The following AUTS2 variants were observed in gnomAD, a reference collection of about 807,000 sequenced individuals.
The protein encoded by AUTS2 is autism susceptibility gene 2 protein.
In AUTS2, 17 loss-of-function variants were observed where a neutral mutation model predicts 112.4. The ratio of observed to expected loss-of-function variants is 0.15; its 90% confidence interval spans 0.10 to 0.23. AUTS2 has a LOEUF of 0.23. AUTS2 is among the 10% of genes least tolerant of loss of function. The pLI, the probability that AUTS2 is intolerant of heterozygous loss-of-function variation, is 1.00. For missense variants in AUTS2, 1,510 were observed against 1,701.6 expected (o/e 0.89, Z 1.98); for synonymous variants, 751 against 702.7 (o/e 1.07, Z -1.09).
At chr7:69,796,504 C>T (rs1052756853) in intron 1 of AUTS2, among the ~76,000 whole-genome samples, 2 of 144,014 alleles carry the variant, frequency 1.4e-5, no homozygotes, top group African/African-American at 5.2e-5. Context: ...GCCTAGGCGA[C>T]AGAGTGAGAC....
chr7:70,147,749 T>C (rs1450928475), intron 4 of AUTS2, among the ~76,000 whole-genome samples: 1 of 152,140 alleles, frequency 6.6e-6, no homozygotes, highest in Non-Finnish European at 1.5e-5. Flanking sequence ...TATTGCACTT[T>C]TAAAAGTATT....
In AUTS2 at chr7:70,419,770, A is replaced by G. The variant is rs373246731; in HGVS notation, c.661-15982A>G. Among the ~76,000 whole-genome samples, 9 of 152,344 alleles carry G rather than the reference A, an allele frequency of 5.9e-5. No homozygotes were observed. In the East Asian group the frequency reaches 1.2e-3, roughly 20 times the overall value. On this transcript the variant is annotated intron_variant, in intron 4 of 18. Coordinates refer to ENST00000342771, the MANE Select transcript of AUTS2 (RefSeq NM_015570.4). The stretch of plus-strand genomic sequence containing the variant: ...TGTCTGCCTCACGACAGCCTTGCCA[A>G]CACTGCATATCAGCATTTACATGTT...
chr7:69,635,359 G>A (rs1794467561), intron 1 of AUTS2, among the ~76,000 whole-genome samples: 1 of 152,206 alleles, frequency 6.6e-6, no homozygotes, highest in African/African-American at 2.4e-5. Flanking sequence ...GCACCTGCCA[G>A]TTTTAAGGGA....
chr7:70,756,683 G>A (rs1480130379), intron 6 of AUTS2, among the ~76,000 whole-genome samples: 2 of 152,070 alleles, frequency 1.3e-5, no homozygotes, highest in African/African-American at 2.4e-5. Context: ...TACAAATGCA[G>A]ACTCACACAA....
chr7:69,667,763 C>T (rs990180818), intron 1 of AUTS2, among the ~76,000 whole-genome samples: 1 of 152,096 alleles, frequency 6.6e-6, no homozygotes, highest in Non-Finnish European at 1.5e-5. Context: ...CTCTCTGCTC[C>T]CCTGGGGCCC....
At chr7:70,451,412 C>T (rs1486175585) in intron 5 of AUTS2, among the ~76,000 whole-genome samples, 2 of 152,064 alleles carry the variant, frequency 1.3e-5, no homozygotes, top group South Asian at 2.1e-4. Flanking sequence ...GTATATTAAT[C>T]GTAGCACTTG....
intron 1 of AUTS2, among the ~76,000 whole-genome samples, chr7:69,750,188 G>A (rs1338291952): frequency 6.6e-6 from 1 of 152,044 alleles, no homozygotes; most frequent in Non-Finnish European, 1.5e-5. Flanking sequence ...GTTTCTGTCA[G>A]TGTGGTAGGT....
intron 4 of AUTS2, among the ~76,000 whole-genome samples, chr7:70,182,117 A>G (rs1809347353): frequency 6.6e-6 from 1 of 152,160 alleles, no homozygotes; most frequent in African/African-American, 2.4e-5. Flanking sequence ...AACTTTTTAA[A>G]CATAGTTTTA....
At chr7:69,607,955 A>G (rs1792820731) in intron 1 of AUTS2, among the ~76,000 whole-genome samples, 1 of 152,034 alleles carries the variant, frequency 6.6e-6, no homozygotes, top group Non-Finnish European at 1.5e-5. Context: ...TTTTTTTGAG[A>G]CAGTGTCTTT....
At chr7:69,893,911 G>A (rs921672064) in intron 1 of AUTS2, among the ~76,000 whole-genome samples, 10 of 152,182 alleles carry the variant, frequency 6.6e-5, no homozygotes, top group African/African-American at 1.9e-4. Flanking sequence ...GCCTTTGGTG[G>A]AAGATTGTAA....
At chr7:70,310,210 T>A (rs113499316) in intron 4 of AUTS2, among the ~76,000 whole-genome samples, 4 of 151,706 alleles carry the variant, frequency 2.6e-5, no homozygotes, top group African/African-American at 9.7e-5. Context: ...AGACAAACTG[T>A]GACAGTGATT....
chr7:69,838,662 G>T (rs1371212435), intron 1 of AUTS2, among the ~76,000 whole-genome samples: 1 of 152,106 alleles, frequency 6.6e-6, no homozygotes, highest in Admixed American at 6.6e-5. Flanking sequence ...GTTATTTAAA[G>T]ATTCTTTTAG....
At chr7:70,232,825 T>TAATTTAATAATTTAATAA (rs1812128921) in intron 4 of AUTS2, among the ~76,000 whole-genome samples, 1 of 152,242 alleles carries the variant, frequency 6.6e-6, no homozygotes, top group African/African-American at 2.4e-5. Context: ...AAGGCCTGTA[T>TAATTTAATAATTTAATAA]TTAATAATTA....
chr7:70,141,535 G>A (rs902723722), intron 4 of AUTS2, among the ~76,000 whole-genome samples: 1 of 152,188 alleles, frequency 6.6e-6, no homozygotes, highest in African/African-American at 2.4e-5. Flanking sequence ...AACGAAAGTT[G>A]TTGCTCTCCC....
At chr7:69,957,123 G>T (rs1664898499) in intron 2 of AUTS2, among the ~76,000 whole-genome samples, 1 of 146,666 alleles carries the variant, frequency 6.8e-6, no homozygotes, top group African/African-American at 2.5e-5. Context: ...CAATTCGCCT[G>T]CCTTGGCCCC....
intron 1 of AUTS2, among the ~76,000 whole-genome samples, chr7:69,617,849 C>T (rs1172845869): frequency 6.6e-6 from 1 of 152,158 alleles, no homozygotes; most frequent in Non-Finnish European, 1.5e-5. Context: ...CTTCAAGACT[C>T]TACAGAATTC....
chr7:70,044,460 A>G (rs1471908671), intron 2 of AUTS2, among the ~76,000 whole-genome samples: 1 of 152,116 alleles, frequency 6.6e-6, no homozygotes, highest in Non-Finnish European at 1.5e-5. Flanking sequence ...GGGGATGGGT[A>G]TCACTAACAG....
chr7:70,500,654 A>C (rs1798735093), intron 5 of AUTS2, among the ~76,000 whole-genome samples: 1 of 152,108 alleles, frequency 6.6e-6, no homozygotes, highest in Admixed American at 6.5e-5. Flanking sequence ...CAGTAAGTTC[A>C]AGTGCTTAGA....
chr7:70,660,817 G>A (rs1414099578), intron 5 of AUTS2, among the ~76,000 whole-genome samples: 2 of 152,218 alleles, frequency 1.3e-5, no homozygotes, highest in Admixed American at 6.5e-5. Flanking sequence ...GTTGGAAAGT[G>A]TTTGCTGTTA....
Sources: allele counts gnomAD v4.1 joint callset (sites outside exome capture counted in the v4.1 genomes callset), GRCh38; gene constraint gnomAD v4.1.1; transcripts MANE v1.5; gene names NCBI Gene and HGNC (gene_info 2026-07-23, HGNC 2026-07-21).